EXOC3L4: variants seen among roughly 807,000 people sequenced by gnomAD.
The protein encoded by EXOC3L4 is exocyst complex component 3-like protein 4.
EXOC3L4 carries 62 observed loss-of-function variants against 69.7 expected under a neutral mutation model. The ratio of observed to expected loss-of-function variants is 0.89; its 90% CI spans 0.72 to 1.10. The LOEUF (loss-of-function observed/expected upper bound fraction) is 1.10. Ranked by LOEUF, EXOC3L4 falls within the 50% of genes least tolerant of loss-of-function variation. EXOC3L4 has a pLI of 0.00. For synonymous variants in EXOC3L4, 502 were observed against 464.2 expected (o/e 1.08, Z -1.05); for missense variants, 1,087 against 1,034.8 (o/e 1.05, Z -0.69).
At chr14:103,105,657 C>T (rs1055920404) in intron 7 of EXOC3L4, among the ~76,000 whole-genome samples, 3 of 152,072 alleles carry the variant, frequency 2.0e-5, no homozygotes, top group African/African-American at 7.2e-5. Flanking sequence ...CAGCCTGCAC[C>T]CTGGGCTTTG....
At chr14:103,095,912 T>C (rs1229814365) in intron 1 of EXOC3L4, among the ~76,000 whole-genome samples, 1 of 152,240 alleles carries the variant, frequency 6.6e-6, no homozygotes, top group Non-Finnish European at 1.5e-5. Context: ...TTTACATCTC[T>C]TATTTATTTT....
At chr14:103,096,520 T>A (rs529159971) in intron 1 of EXOC3L4, among the ~76,000 whole-genome samples, 1 of 152,110 alleles carries the variant, frequency 6.6e-6, no homozygotes, top group African/African-American at 2.4e-5. Flanking sequence ...ATCCCGATCA[T>A]TGTCCCTCCC....
intron 3 of EXOC3L4, chr14:103,103,717 C>A: frequency 1.9e-6 from 1 of 526,856 alleles, no homozygotes; most frequent in South Asian, 2.5e-5. Context: ...CGTCCTTCAG[C>A]GTTCTGCAGG....
intron 1 of EXOC3L4, among the ~76,000 whole-genome samples, chr14:103,099,336 C>CCGGTG (rs1890045643): frequency 6.6e-6 from 1 of 151,928 alleles, no homozygotes; most frequent in Non-Finnish European, 1.5e-5. Flanking sequence ...GGCCACGGTG[C>CCGGTG]CGAGGGCCCT....
intron 2 of EXOC3L4, 128 bp downstream of exon 2, chr14:103,100,741 C>A (rs1301398566): frequency 1.6e-6 from 2 of 1,242,882 alleles, no homozygotes; most frequent in Non-Finnish European, 2.2e-6. Context: ...ATGTGCAATT[C>A]TTTATTTATT....
At position 103,110,434 on chromosome 14, in the gene EXOC3L4, G is replaced by C. The variant is rs1890871023; in HGVS notation, c.*211G>C. 2.8e-6 allele frequency: 2 copies of C among 701,968 alleles called. No individual in the cohort carries two copies. The highest frequency in any genetic ancestry group is 5.1e-6 in the Non-Finnish European group (2 of 391,728). 43.5% of individuals were successfully genotyped at this position (701,968 alleles called of 1,614,324 possible). A position where few individuals can be genotyped will look rare whatever the true frequency, so the allele number is the denominator to read the frequency against. On this transcript the variant is annotated 3_prime_UTR_variant, in exon 12 of 12. Coordinates refer to ENST00000688303, the MANE Select transcript of EXOC3L4 (RefSeq NM_001077594.2). ...AGGCATCGTTGAGGGGAGTGTTTTG[G>C]GGCCGCAGAGCTCTCAATGCTGCCT...
chr14:103,108,299 C>T (rs992133221), intron 10 of EXOC3L4, 97 bp from the exon 11 acceptor site: 32 of 1,518,836 alleles, frequency 2.1e-5, no homozygotes, highest in African/African-American at 2.7e-5. Context: ...GCTGACGCTG[C>T]GGGAGGGCTG....
At position 103,102,780 on chromosome 14, in the gene EXOC3L4, T is replaced by C; in HGVS notation, c.1049+8T>C. ...CGCCAACGTCTACGGCAGGTGAGTC[T>C]CGGCCAGGGCGCCCAGTGGCGAGGA... On this transcript the variant is annotated splice_region_variant and intron_variant, in intron 3 of 11. Transcript: ENST00000688303. 1 of 1,332,484 alleles carries C rather than the reference T, an allele frequency of 7.5e-7. No individual in the cohort carries two copies. Among genetic ancestry groups the C allele is most frequent in the East Asian group, 3.1e-5 (1 of 32,048 alleles). 82.5% of individuals were successfully genotyped at this position (1,332,484 alleles called of 1,614,324 possible). A position where few individuals can be genotyped will look rare whatever the true frequency, so the allele number is the denominator to read the frequency against.
At chr14:103,105,497 C>T (rs1479551075) in intron 7 of EXOC3L4, among the ~76,000 whole-genome samples, 1 of 151,976 alleles carries the variant, frequency 6.6e-6, no homozygotes. Flanking sequence ...AGCAGGGGCC[C>T]TGGGGGAGTG....
At chr14:103,108,884 C>T (rs897256375) in intron 11 of EXOC3L4, among the ~76,000 whole-genome samples, 1 of 152,074 alleles carries the variant, frequency 6.6e-6, no homozygotes, top group African/African-American at 2.4e-5. Flanking sequence ...GTCGGTGAGT[C>T]ATCCAAGCCT....
chr14:103,110,460 A>C lies in EXOC3L4; in HGVS notation c.*237A>C. ...GGCCGCAGAGCTCTCAATGCTGCCT[A>C]TCGGGCGGGGGGGGGCCTCCCGCCC... On this transcript the variant is annotated 3_prime_UTR_variant, in exon 12 of 12. Coordinates refer to ENST00000688303, the MANE Select transcript of EXOC3L4 (RefSeq NM_001077594.2). The C allele has an allele frequency of 3.5e-6, 2 of 577,260 alleles. No individual in the cohort carries two copies. The highest frequency in any genetic ancestry group is 6.0e-6 in the Non-Finnish European group (2 of 333,758). The allele number at this position is 577,260 out of a possible 1,614,324, so 35.8% of individuals were successfully genotyped here.
intron 1 of EXOC3L4, 43 bp from the exon 2 acceptor site, chr14:103,100,161 G>T: frequency 2.0e-6 from 3 of 1,480,372 alleles, no homozygotes; most frequent in Non-Finnish European, 2.7e-6. Flanking sequence ...GGCCACAACA[G>T]GTTTCTGCAT....
At position 103,100,360 on chromosome 14, in the gene EXOC3L4, G is replaced by A. The variant is rs1403589366; in HGVS notation, c.141G>A (p.Arg47=). The A allele has an allele frequency of 6.2e-7, 1 of 1,605,026 alleles. No homozygotes were observed. The highest frequency in any genetic ancestry group is 8.5e-7 in the Non-Finnish European group (1 of 1,175,580). The change falls in exon 2 of 12, where the codon AGG becomes AGA. Residue 47 remains arginine (R), a synonymous_variant. Coordinates refer to ENST00000688303, the MANE Select transcript of EXOC3L4 (RefSeq NM_001077594.2). ...ATGCCCACCGCAAGGATGGCACAAGGCTGGGCCTGGGCTCCCTGAGGCAGG... is the reference window on the plus strand; with the variant it reads ...ATGCCCACCGCAAGGATGGCACAAGACTGGGCCTGGGCTCCCTGAGGCAGG... The part of the protein sequence containing the change: ...EPNAHRKDGT[R]LGLGSLRQAF...
rs139497928 is a variant in EXOC3L4, at chr14:103,102,616, A to T, written c.893A>T (p.Gln298Leu). 6.7e-3 allele frequency: 10,080 copies of T among 1,499,726 alleles called. 54 individuals carry two copies. The highest frequency in any genetic ancestry group is 8.0e-3 in the Non-Finnish European group (9,046 of 1,129,706). 92.9% of individuals were successfully genotyped at this position (1,499,726 alleles called of 1,614,324 possible). A position where few individuals can be genotyped will look rare whatever the true frequency, so the allele number is the denominator to read the frequency against. ...RDLQKVRQEV[Q>L]PAYAAAGFPA... Reference sequence around the variant, plus strand: ...CTGCAGAAGGTGCGGCAGGAGGTGCAGCCCGCGTATGCGGCGGCCGGCTTC... The same window carrying T: ...CTGCAGAAGGTGCGGCAGGAGGTGCTGCCCGCGTATGCGGCGGCCGGCTTC... The change falls in exon 3 of 12, where the codon CAG becomes CTG. Residue 298 changes from glutamine (Q) to leucine (L), a missense_variant. By Grantham distance (113) the Gln-to-Leu change is moderately radical. Transcript: ENST00000688303.
chr14:103,110,087 A>G lies in EXOC3L4; in HGVS notation c.2033A>G (p.Gln678Arg), dbSNP rs545416556. 1.9e-6 allele frequency: 3 copies of G among 1,598,020 alleles called. No homozygotes were observed. Among genetic ancestry groups the G allele is most frequent in the African/African-American group, 2.7e-5 (2 of 74,926 alleles). The part of the protein sequence containing the change: ...ALRRLGRQRN[Q>R]HLLQHTQDLL... ...CGCCGACTGGGCCGCCAGCGGAACC[A>G]GCATCTCTTGCAGCACACTCAAGAC... is the stretch of plus-strand genomic sequence containing the variant. Residue 678 changes from glutamine to arginine, a missense_variant, in exon 12 of 12, where the codon CAG becomes CGG. Transcript: ENST00000688303.
chr14:103,102,367 C>T lies in EXOC3L4; in HGVS notation c.644C>T (p.Ala215Val). The T allele has an allele frequency of 1.3e-6, 2 of 1,561,832 alleles. No homozygotes were observed. Among genetic ancestry groups the T allele is most frequent in the East Asian group, 2.4e-5 (1 of 42,254 alleles). Residue 215 changes from alanine (A) to valine (V), a missense_variant, in exon 3 of 12, where the codon GCC (alanine) becomes GTC (valine). Physicochemically the swap from Ala to Val is moderately conservative, Grantham distance 64. Transcript: ENST00000688303. ...GACGCGGCCGCGCTGGCCGAGCTGG[C>T]CCGCGTGGTGAGCGCGGAGGAGGAA... ...GVDAAALAEL[A>V]RVVSAEEEAH...
At chr14:103,099,457 T>TG (rs1260386303) in intron 1 of EXOC3L4, among the ~76,000 whole-genome samples, 2 of 150,316 alleles carry the variant, frequency 1.3e-5, no homozygotes, top group Admixed American at 1.3e-4. Flanking sequence ...GGGAGAGGAG[T>TG]GGGGGGAGGA....
intron 4 of EXOC3L4, 73 bp downstream of exon 4, chr14:103,104,125 G>C (rs1382972626): frequency 6.9e-7 from 1 of 1,447,506 alleles, no homozygotes. Context: ...GCGGCGCCCA[G>C]GCTATCGGCG....
chr14:103,110,140 G>A lies in EXOC3L4; in HGVS notation c.2086G>A (p.Gly696Ser). Residue 696 changes from glycine (G) to serine (S), a missense_variant, in exon 12 of 12, where the codon GGT becomes AGT. Gly to Ser is a moderately conservative substitution (Grantham distance 56, BLOSUM62 0). Coordinates refer to ENST00000688303, the MANE Select transcript of EXOC3L4 (RefSeq NM_001077594.2). Reference sequence around the variant, plus strand: ...GCTGAGAGCTGCGGCCGGGGCGGCGGGTGCGGAGGCCCCTCGGGGCCGCGT... The same window carrying A: ...GCTGAGAGCTGCGGCCGGGGCGGCGAGTGCGGAGGCCCCTCGGGGCCGCGT... ...DLLRAAAGAAGAEAPRGRVLF... is the reference protein window; with the variant it reads ...DLLRAAAGAASAEAPRGRVLF... 1 of 1,550,984 alleles carries A rather than the reference G, an allele frequency of 6.4e-7. No homozygotes were observed. The highest frequency in any genetic ancestry group is 1.4e-5 in the African/African-American group (1 of 73,654).
Sources: allele counts gnomAD v4.1 joint callset (sites outside exome capture counted in the v4.1 genomes callset), GRCh38; gene constraint gnomAD v4.1.1; transcripts MANE v1.5; gene names NCBI Gene and HGNC (gene_info 2026-07-23, HGNC 2026-07-21).